Variants in ZIC2 observed in about 807,000 individuals in gnomAD.
ZIC2 encodes zinc finger protein ZIC 2.
In ZIC2, 7 loss-of-function variants were observed where a neutral mutation model predicts 29.5. The observed-to-expected ratio is 0.24, with a 90% CI of 0.14 to 0.45. ZIC2 has a LOEUF of 0.45. Ranked by LOEUF, ZIC2 falls within the 20% of genes least tolerant of loss-of-function variation. The pLI, the probability that ZIC2 is intolerant of heterozygous loss-of-function variation, is 1.00. For synonymous variants in ZIC2, 408 were observed against 354.2 expected (o/e 1.15, Z -1.70); for missense variants, 589 against 781.2 (o/e 0.75, Z 2.93).
rs2053261833 is a variant in ZIC2, at chr13:99,985,490, C to CG, written c.1408dup (p.Ala470GlyfsTer60). ...CGGCGGCGGCTGCGGCGGCGGCGGC[C>CG]GCGGTGTCCGCGGTGCACCGGGGCG... On this transcript the variant is annotated frameshift_variant, in exon 3 of 3. Transcript: ENST00000376335. LOFTEE classifies it high-confidence loss of function. The surrounding 1 kb of genome is among the most constrained non-coding windows in gnomAD (Gnocchi z 6.3). 8.2e-7 allele frequency: 1 copy of CG among 1,213,882 alleles called. No individual in the cohort carries two copies. Among genetic ancestry groups the CG allele is most frequent in the African/African-American group, 1.6e-5 (1 of 60,884 alleles). 75.2% of individuals were successfully genotyped at this position (1,213,882 alleles called of 1,614,324 possible). A position where few individuals can be genotyped will look rare whatever the true frequency, so the allele number is the denominator to read the frequency against.
At position 99,985,511 on chromosome 13, in the gene ZIC2, G is replaced by GGGCGGAGGCTCGGGCAGT. The variant is rs2053262106; in HGVS notation, c.1434_1451dup (p.Gly479_Gly484dup). 9.0e-7 allele frequency: 1 copy of GGGCGGAGGCTCGGGCAGT among 1,107,030 alleles called. No individual in the cohort carries two copies. The highest frequency in any genetic ancestry group is 1.7e-5 in the African/African-American group (1 of 59,238). 68.6% of individuals were successfully genotyped at this position (1,107,030 alleles called of 1,614,324 possible). ...CGGCCGCGGTGTCCGCGGTGCACCG[G>GGGCGGAGGCTCGGGCAGT]GGCGGAGGCTCGGGCAGTGGCGGCG... On this transcript the variant is annotated inframe_insertion, in exon 3 of 3. Transcript: ENST00000376335. The surrounding 1 kb of genome is among the most constrained non-coding windows in gnomAD (Gnocchi z 6.3).
chr13:99,982,302 C>T lies in ZIC2; in HGVS notation c.238C>T (p.Gln80Ter). Residue 80 changes from glutamine to a stop codon, truncating the protein, a stop_gained, in exon 1 of 3, where the codon CAG becomes TAG. Coordinates refer to ENST00000376335, the MANE Select transcript of ZIC2 (RefSeq NM_007129.5). LOFTEE classifies it high-confidence loss of function. Reference protein sequence around the residue: ...SPGQSSAFTSQGPGAYPGSAA... With the variant: ...SPGQSSAFTS Reference sequence around the variant, plus strand: ...GGGCCAGAGCTCGGCGTTCACGTCGCAGGGCCCCGGCGCCTACCCCGGCTC... The same window carrying T: ...GGGCCAGAGCTCGGCGTTCACGTCGTAGGGCCCCGGCGCCTACCCCGGCTC... The T allele has an allele frequency of 6.7e-7, 1 of 1,485,616 alleles. No homozygotes were observed. The highest frequency in any genetic ancestry group is 8.9e-7 in the Non-Finnish European group (1 of 1,120,286). The allele number at this position is 1,485,616 out of a possible 1,614,324, so 92.0% of individuals were successfully genotyped here. A position where few individuals can be genotyped will look rare whatever the true frequency, so the allele number is the denominator to read the frequency against.
Position 99,985,477 on chromosome 13 carries a change from C to A in ZIC2, c.1394C>A (p.Ala465Glu). 1 of 1,268,454 alleles carries A rather than the reference C, an allele frequency of 7.9e-7. No homozygotes were observed. Among genetic ancestry groups the A allele is most frequent in the Non-Finnish European group, 9.9e-7 (1 of 1,014,510 alleles). 78.6% of individuals were successfully genotyped at this position (1,268,454 alleles called of 1,614,324 possible). The change falls in exon 3 of 3, where the codon GCG (alanine) becomes GAG (glutamate). Residue 465 changes from alanine (A) to glutamate (E), a missense_variant. Coordinates refer to ENST00000376335, the MANE Select transcript of ZIC2 (RefSeq NM_007129.5). This position sits in a 1 kb window ranked among gnomAD's most constrained non-coding sequence, Gnocchi z 6.3. ...GCGGCGGCAGCGGCGGCGGCGGCTG[C>A]GGCGGCGGCGGCCGCGGTGTCCGCG... ...PAAAAAAAAA[A>E]AAAAAVSAVH... is the part of the protein sequence containing the mutation.
In ZIC2 at chr13:99,982,514, C is replaced by T. The variant is rs1284001088; in HGVS notation, c.450C>T (p.His150=). The T allele has an allele frequency of 4.3e-5, 65 of 1,514,302 alleles. No homozygotes were observed. The highest frequency in any genetic ancestry group is 5.5e-5 in the Non-Finnish European group (62 of 1,132,058). 93.8% of individuals were successfully genotyped at this position (1,514,302 alleles called of 1,614,324 possible). A position where few individuals can be genotyped will look rare whatever the true frequency, so the allele number is the denominator to read the frequency against. The change falls in exon 1 of 3, where the codon CAC becomes CAT. Residue 150 remains histidine, a synonymous_variant. Coordinates refer to ENST00000376335, the MANE Select transcript of ZIC2 (RefSeq NM_007129.5). Reference sequence around the variant, plus strand: ...GCGCGGGCGGCCTGCACCACGCGCACTCGGACGCGCAGGGCCACCTCCTCT... The same window carrying T: ...GCGCGGGCGGCCTGCACCACGCGCATTCGGACGCGCAGGGCCACCTCCTCT... The part of the protein sequence containing the change: ...GPGAGGLHHA[H]SDAQGHLLFP...
chr13:99,983,593 C>A lies in ZIC2; in HGVS notation c.1075+454C>A, dbSNP rs938977582. ...CCACTTCTTTTACTCGGGGTCCAAA[C>A]GCCCTTCCCGGGACTGTTTCCCATG... On this transcript the variant is annotated intron_variant, in intron 1 of 2. Coordinates refer to ENST00000376335, the MANE Select transcript of ZIC2 (RefSeq NM_007129.5). This position sits in a 1 kb window ranked among gnomAD's most constrained non-coding sequence, Gnocchi z 4.7. 6.6e-6 allele frequency among the ~76,000 whole-genome samples: 1 copy of A among 151,716 alleles called. No individual in the cohort carries two copies. Among genetic ancestry groups the A allele is most frequent in the Non-Finnish European group, 1.5e-5 (1 of 67,870 alleles).
chr13:99,985,403 G>T lies in ZIC2; in HGVS notation c.1320G>T (p.Leu440=), dbSNP rs768046407. 20 of 1,596,392 alleles carry T rather than the reference G, an allele frequency of 1.3e-5. No individual in the cohort carries two copies. Among genetic ancestry groups the T allele is most frequent in the Non-Finnish European group, 1.4e-5 (17 of 1,178,624 alleles). ...SGYESSTPPG[L]VSPSAEPQSS... The stretch of plus-strand genomic sequence containing the variant: ...ATGAGTCGTCCACGCCCCCGGGGCT[G>T]GTGTCCCCCAGCGCCGAGCCCCAGA... The change falls in exon 3 of 3, where the codon CTG becomes CTT. Residue 440 remains leucine (L), a synonymous_variant. Transcript: ENST00000376335. This position sits in a 1 kb window ranked among gnomAD's most constrained non-coding sequence, Gnocchi z 6.3.
rs2053262661 is a variant in ZIC2 at position 99,985,553 on chromosome 13, CGGCGGCAGCGGCAGT to C, written c.1476_1490del (p.Ser493_Gly497del). 1 of 990,318 alleles carries C rather than the reference CGGCGGCAGCGGCAGT, an allele frequency of 1.0e-6. No homozygotes were observed. Among genetic ancestry groups the C allele is most frequent in the African/African-American group, 1.8e-5 (1 of 56,060 alleles). 61.3% of individuals were successfully genotyped at this position (990,318 alleles called of 1,614,324 possible). A position where few individuals can be genotyped will look rare whatever the true frequency, so the allele number is the denominator to read the frequency against. On this transcript the variant is annotated inframe_deletion, in exon 3 of 3. Coordinates refer to ENST00000376335, the MANE Select transcript of ZIC2 (RefSeq NM_007129.5). The surrounding 1 kb of genome is among the most constrained non-coding windows in gnomAD (Gnocchi z 6.3). ...GTGGCGGCGCGGGAGGCGGCTCAGG[CGGCGGCAGCGGCAGT>C]GGCGGGGGCGGCGGCGGGGCGGGCG...
At chr13:99,984,545 A>G in intron 1 of ZIC2, 1 of 294,818 alleles carries the variant, frequency 3.4e-6, no homozygotes, top group Non-Finnish European at 6.6e-6. Flanking sequence ...CTGGCGAGAA[A>G]CCGACAGCAG....
chr13:99,983,084 T>C lies in ZIC2; in HGVS notation c.1020T>C (p.Cys340=), dbSNP rs993137946. The change falls in exon 1 of 3, where the codon TGT becomes TGC. Residue 340 remains cysteine (C), a synonymous_variant. Coordinates refer to ENST00000376335, the MANE Select transcript of ZIC2 (RefSeq NM_007129.5). The surrounding 1 kb of genome is among the most constrained non-coding windows in gnomAD (Gnocchi z 4.7). ...EKPFPCPFPG[C]GKVFARSENL... is the part of the protein sequence containing the mutation. ...CCTTCCCCTGCCCCTTCCCGGGCTG[T>C]GGCAAAGTCTTCGCGCGCTCCGAGA... is the stretch of plus-strand genomic sequence containing the variant. The C allele has an allele frequency of 6.8e-6, 11 of 1,613,022 alleles. No homozygotes were observed. In the African/African-American group the frequency reaches 1.3e-4, roughly 20 times the overall value.
chr13:99,984,837 GC>G lies in ZIC2; in HGVS notation c.1076-104del, dbSNP rs749111385. 9.9e-6 allele frequency: 14 copies of G among 1,413,244 alleles called. No homozygotes were observed. The South Asian group carries it at 1.1e-4, about 11-fold the overall frequency. The allele number at this position is 1,413,244 out of a possible 1,614,324, so 87.5% of individuals were successfully genotyped here. On this transcript the variant is annotated intron_variant, in intron 1 of 2. Coordinates refer to ENST00000376335, the MANE Select transcript of ZIC2 (RefSeq NM_007129.5). ...GGATCGGACTGGTTTGAGGGACCCA[GC>G]CCCCTCAGGTCCTTCTCCCTCGCCG...
chr13:99,983,161 G>A lies in ZIC2; in HGVS notation c.1075+22G>A, dbSNP rs1162579809. On this transcript the variant is annotated intron_variant, in intron 1 of 2. Coordinates refer to ENST00000376335, the MANE Select transcript of ZIC2 (RefSeq NM_007129.5). The surrounding 1 kb of genome is among the most constrained non-coding windows in gnomAD (Gnocchi z 4.7). ...ACAGGTAACCGCGGGCTGGGACAGGGACCAGGCGCGGAGGGGAGACACGCA... is the reference window on the plus strand; with the variant it reads ...ACAGGTAACCGCGGGCTGGGACAGGAACCAGGCGCGGAGGGGAGACACGCA... 6.2e-7 allele frequency: 1 copy of A among 1,611,194 alleles called. No individual in the cohort carries two copies. Among genetic ancestry groups the A allele is most frequent in the Non-Finnish European group, 8.5e-7 (1 of 1,178,942 alleles).
At position 99,983,946 on chromosome 13, in the gene ZIC2, G is replaced by T. The variant is rs2053249363; in HGVS notation, c.1075+807G>T. Among the ~76,000 whole-genome samples, 1 of 152,202 alleles carries T rather than the reference G, an allele frequency of 6.6e-6. No individual in the cohort carries two copies. The highest frequency in any genetic ancestry group is 1.5e-5 in the Non-Finnish European group (1 of 68,040). ...GTGCCAGACGATTTCCTAAAAGAAA[G>T]CCAAATGTTTTAGCAACTTCCCCCG... On this transcript the variant is annotated intron_variant, in intron 1 of 2. Transcript: ENST00000376335. This position sits in a 1 kb window ranked among gnomAD's most constrained non-coding sequence, Gnocchi z 4.7.
At position 99,982,155 on chromosome 13, in the gene ZIC2, G is replaced by A. The variant is rs1224756580; in HGVS notation, c.91G>A (p.Ala31Thr). The stretch of plus-strand genomic sequence containing the variant: ...CCACTCCGCCGCGGCGGCGGCGGCG[G>A]CTGCCGCCGAGATGCAGGACCGTGA... ...HHHSAAAAAAAAAEMQDRELS... is the reference protein window; with the variant it reads ...HHHSAAAAAATAAEMQDRELS... Residue 31 changes from alanine to threonine, a missense_variant, in exon 1 of 3, where the codon GCT becomes ACT. Around this residue, in one of 7 missense-constraint regions of ZIC2, gnomAD observed 358 missense variants for 382.0 expected, o/e 0.94. Transcript: ENST00000376335. 5.2e-6 allele frequency: 7 copies of A among 1,348,396 alleles called. No individual in the cohort carries two copies. The highest frequency in any genetic ancestry group is 4.6e-5 in the African/African-American group (3 of 65,234). 83.5% of individuals were successfully genotyped at this position (1,348,396 alleles called of 1,614,324 possible).
At position 99,982,907 on chromosome 13, in the gene ZIC2, C is replaced by T. The variant is rs756920687; in HGVS notation, c.843C>T (p.His281=). Residue 281 remains histidine, a synonymous_variant, in exon 1 of 3, where the codon CAC becomes CAT. Transcript: ENST00000376335. ...GCAACAAAACTTTCAGCACCATGCA[C>T]GAGCTGGTGACACACGTCTCGGTGG... ...KSCNKTFSTM[H]ELVTHVSVEH... is the part of the protein sequence containing the mutation. 1.9e-6 allele frequency: 3 copies of T among 1,613,644 alleles called. No homozygotes were observed. The highest frequency in any genetic ancestry group is 2.5e-6 in the Non-Finnish European group (3 of 1,180,018).
At position 99,985,505 on chromosome 13, in the gene ZIC2, G is replaced by A; in HGVS notation, c.1422G>A (p.Val474=). The A allele has an allele frequency of 8.8e-7, 1 of 1,137,130 alleles. No individual in the cohort carries two copies. Among genetic ancestry groups the A allele is most frequent in the Non-Finnish European group, 1.1e-6 (1 of 934,086 alleles). The allele number at this position is 1,137,130 out of a possible 1,614,324, so 70.4% of individuals were successfully genotyped here. A position where few individuals can be genotyped will look rare whatever the true frequency, so the allele number is the denominator to read the frequency against. Residue 474 remains valine, a synonymous_variant, in exon 3 of 3, where the codon GTG becomes GTA. Transcript: ENST00000376335. The surrounding 1 kb of genome is among the most constrained non-coding windows in gnomAD (Gnocchi z 6.3). ...AAAAAAAVSA[V]HRGGGSGSGG... ...CGGCGGCGGCCGCGGTGTCCGCGGT[G>A]CACCGGGGCGGAGGCTCGGGCAGTG...
Position 99,982,183 on chromosome 13 carries a change from T to G in ZIC2, c.119T>G (p.Leu40Arg), listed in dbSNP as rs2053237317. 2 of 1,473,968 alleles carry G rather than the reference T, an allele frequency of 1.4e-6. No homozygotes were observed. Among genetic ancestry groups the G allele is most frequent in the African/African-American group, 1.5e-5 (1 of 67,864 alleles). 91.3% of individuals were successfully genotyped at this position (1,473,968 alleles called of 1,614,324 possible). A position where few individuals can be genotyped will look rare whatever the true frequency, so the allele number is the denominator to read the frequency against. The change falls in exon 1 of 3, where the codon CTG (leucine) becomes CGG (arginine). Residue 40 changes from leucine (L) to arginine (R), a missense_variant. By Grantham distance (102) the Leu-to-Arg change is moderately radical. Transcript: ENST00000376335. ...GCCGCCGAGATGCAGGACCGTGAACTGAGCCTGGCGGCGGCGCAGAACGGC... is the reference window on the plus strand; with the variant it reads ...GCCGCCGAGATGCAGGACCGTGAACGGAGCCTGGCGGCGGCGCAGAACGGC... ...AAAAEMQDRE[L>R]SLAAAQNGFV...
In ZIC2 at chr13:99,982,189, TG is replaced by T; in HGVS notation, c.127del (p.Ala43ArgfsTer175). 6.7e-7 allele frequency: 1 copy of T among 1,484,132 alleles called. No individual in the cohort carries two copies. The highest frequency in any genetic ancestry group is 8.9e-7 in the Non-Finnish European group (1 of 1,123,152). The allele number at this position is 1,484,132 out of a possible 1,614,324, so 91.9% of individuals were successfully genotyped here. ...AAEMQDRELS[L>X]AAAQNGFVDS... ...GAGATGCAGGACCGTGAACTGAGCC[TG>T]GCGGCGGCGCAGAACGGCTTCGTTG... On this transcript the variant is annotated frameshift_variant, in exon 1 of 3. Transcript: ENST00000376335. LOFTEE classifies it high-confidence loss of function.
chr13:99,985,544 C>A lies in ZIC2; in HGVS notation c.1461C>A (p.Gly487=), dbSNP rs1343991952. 3.0e-6 allele frequency: 3 copies of A among 995,498 alleles called. No individual in the cohort carries two copies. Among genetic ancestry groups the A allele is most frequent in the East Asian group, 2.2e-4 (2 of 9,166 alleles). The allele number at this position is 995,498 out of a possible 1,614,324, so 61.7% of individuals were successfully genotyped here. The change falls in exon 3 of 3, where the codon GGC becomes GGA. Residue 487 remains glycine (G), a synonymous_variant. Transcript: ENST00000376335. The surrounding 1 kb of genome is among the most constrained non-coding windows in gnomAD (Gnocchi z 6.3). ...GGGSGSGGAG[G]GSGGGSGSGG... ...GCTCGGGCAGTGGCGGCGCGGGAGGCGGCTCAGGCGGCGGCAGCGGCAGTG... is the reference window on the plus strand; with the variant it reads ...GCTCGGGCAGTGGCGGCGCGGGAGGAGGCTCAGGCGGCGGCAGCGGCAGTG...
Position 99,986,317 on chromosome 13 carries a change from C to A in ZIC2, c.*635C>A, listed in dbSNP as rs992862841. 5 of 273,048 alleles carry A rather than the reference C, an allele frequency of 1.8e-5. No homozygotes were observed. Among genetic ancestry groups the A allele is most frequent in the Middle Eastern group, 1.3e-3 (1 of 776 alleles). 16.9% of individuals were successfully genotyped at this position (273,048 alleles called of 1,614,324 possible). Reference sequence around the variant, plus strand: ...GTAACTATAGACTGGAAAAAATGAGCCGTGCCAAAGTCTCCCTTCTGTTTC... The same window carrying A: ...GTAACTATAGACTGGAAAAAATGAGACGTGCCAAAGTCTCCCTTCTGTTTC... On this transcript the variant is annotated 3_prime_UTR_variant, in exon 3 of 3. Coordinates refer to ENST00000376335, the MANE Select transcript of ZIC2 (RefSeq NM_007129.5).
Sources: gnomAD v4.1 joint callset for allele counts (sites outside exome capture counted in the v4.1 genomes callset) on GRCh38, gnomAD v4.1.1 for gene constraint, gnomAD v4.1.1 regional missense constraint, Gnocchi (gnomAD v3.1) non-coding constraint, MANE v1.5 for transcripts, NCBI Gene and HGNC (gene_info 2026-07-23, HGNC 2026-07-21) for gene names.